Variants in DGKB observed in about 807,000 individuals in gnomAD.
The protein encoded by DGKB is 90 kDa diacylglycerol kinase.
Under a neutral mutation model 114.3 loss-of-function variants are expected in DGKB, and 67 were observed. The observed-to-expected ratio is 0.59, with a 90% CI of 0.48 to 0.72. The LOEUF (loss-of-function observed/expected upper bound fraction) is 0.72, where lower values mean the gene tolerates loss of function less well. Among genes scored for constraint, DGKB ranks in the 30% least tolerant of loss-of-function variants. The pLI is 0.00. For synonymous variants in DGKB, 398 were observed against 323.1 expected (o/e 1.23, Z -2.49); for missense variants, 907 against 975.2 (o/e 0.93, Z 0.93).
At chr7:14,928,157 C>A (rs747247119) in intron 1 of DGKB, among the ~76,000 whole-genome samples, 5 of 151,860 alleles carry the variant, frequency 3.3e-5, no homozygotes, top group South Asian at 2.1e-4. Flanking sequence ...AATATAGATT[C>A]TTTCAACAGA....
chr7:14,701,532 G>A (rs577142806), intron 7 of DGKB, 149 bp downstream of exon 7: 17 of 599,034 alleles, frequency 2.8e-5, no homozygotes, highest in African/African-American at 7.5e-5. Flanking sequence ...TCACTCTCTC[G>A]CAAAAAGTCA....
intron 1 of DGKB, among the ~76,000 whole-genome samples, chr7:14,860,912 AGAT>A (rs1850883665): frequency 6.6e-6 from 1 of 151,998 alleles, no homozygotes; most frequent in Admixed American, 6.6e-5. Flanking sequence ...TTAAGATAAT[AGAT>A]TTTTCTGAGA....
intron 1 of DGKB, among the ~76,000 whole-genome samples, chr7:14,927,528 C>CA (rs1013103438): frequency 5.3e-5 from 8 of 150,758 alleles, no homozygotes; most frequent in Middle Eastern, 3.4e-3. Context: ...TAAAACTATA[C>CA]AAAAAAAAGC....
intron 1 of DGKB, among the ~76,000 whole-genome samples, chr7:14,950,929 T>C (rs1387627863): frequency 7.2e-5 from 11 of 151,854 alleles, no homozygotes; most frequent in Non-Finnish European, 1.5e-5. Context: ...GTATGTAAGC[T>C]TGGTTTACAT....
intron 2 of DGKB, among the ~76,000 whole-genome samples, chr7:14,825,580 C>T (rs1222060920): frequency 1.3e-5 from 2 of 152,038 alleles, no homozygotes; most frequent in Admixed American, 6.6e-5. Flanking sequence ...AGGCGAGGCT[C>T]AGGTGGTAAT....
chr7:14,431,715 T>G (rs138823221), intron 21 of DGKB, among the ~76,000 whole-genome samples: 3 of 152,316 alleles, frequency 2.0e-5, no homozygotes, highest in African/African-American at 7.2e-5. Context: ...GTTTTGCACT[T>G]AATCCAATAA....
intron 20 of DGKB, among the ~76,000 whole-genome samples, chr7:14,538,936 T>C (rs1396275742): frequency 1.3e-5 from 2 of 152,002 alleles, no homozygotes; most frequent in Non-Finnish European, 2.9e-5. Flanking sequence ...GTCTCATGTA[T>C]AGAAATAGAT....
At chr7:14,474,622 A>G (rs897987658) in intron 21 of DGKB, among the ~76,000 whole-genome samples, 7 of 132,768 alleles carry the variant, frequency 5.3e-5, no homozygotes, top group African/African-American at 1.8e-4. Context: ...TTATTTTAGT[A>G]TGGTAATAAA....
chr7:14,589,351 G>T (rs1801301239), intron 17 of DGKB, among the ~76,000 whole-genome samples: 1 of 151,798 alleles, frequency 6.6e-6, no homozygotes, highest in Non-Finnish European at 1.5e-5. Context: ...GGTATTATTA[G>T]TAATCTCTAG....
intron 25 of DGKB, among the ~76,000 whole-genome samples, chr7:14,174,490 C>G (rs1781440748): frequency 6.6e-6 from 1 of 152,136 alleles, no homozygotes; most frequent in Non-Finnish European, 1.5e-5. Flanking sequence ...TGCCTCTTCT[C>G]CTGAGAAGAG....
At chr7:14,551,217 G>A (rs1029798172) in intron 20 of DGKB, among the ~76,000 whole-genome samples, 3 of 152,140 alleles carry the variant, frequency 2.0e-5, no homozygotes, top group Non-Finnish European at 2.9e-5. Context: ...CATTTGGGTG[G>A]TAATATATAT....
chr7:14,931,273 A>T (rs1472213659), intron 1 of DGKB, among the ~76,000 whole-genome samples: 18 of 151,992 alleles, frequency 1.2e-4, no homozygotes, highest in Non-Finnish European at 1.5e-5. Context: ...CTCCAAGCCC[A>T]GCTAATTTTT....
At chr7:14,643,464 C>T (rs2128878797) in intron 13 of DGKB, among the ~76,000 whole-genome samples, 1 of 152,232 alleles carries the variant, frequency 6.6e-6, no homozygotes, top group South Asian at 2.1e-4. Flanking sequence ...CTGACTTGGG[C>T]CAAATAGCCC....
chr7:14,309,690 A>G (rs994356852), intron 23 of DGKB, among the ~76,000 whole-genome samples: 9 of 152,182 alleles, frequency 5.9e-5, no homozygotes, highest in Non-Finnish European at 1.3e-4. Context: ...CAAAGGGTAG[A>G]TTTCTTATAG....
intron 25 of DGKB, among the ~76,000 whole-genome samples, chr7:14,157,156 A>G (rs1447831944): frequency 6.6e-6 from 1 of 152,146 alleles, no homozygotes; most frequent in African/African-American, 2.4e-5. Context: ...AATATCTGTG[A>G]GTAGAGCTTA....
At chr7:14,725,483 AT>A (rs1297959172) in intron 5 of DGKB, among the ~76,000 whole-genome samples, 1 of 152,194 alleles carries the variant, frequency 6.6e-6, no homozygotes, top group African/African-American at 2.4e-5. Context: ...AGAAATTCCA[AT>A]AATCTCCTTA....
intron 23 of DGKB, among the ~76,000 whole-genome samples, chr7:14,287,056 C>A (rs540899961): frequency 1.3e-3 from 193 of 152,180 alleles, no homozygotes; most frequent in African/African-American, 4.3e-3. Context: ...CATGTGATCT[C>A]TACCATTTCT....
chr7:14,468,906 T>C (rs1175596590), intron 21 of DGKB, among the ~76,000 whole-genome samples: 9 of 152,036 alleles, frequency 5.9e-5, no homozygotes, highest in Non-Finnish European at 1.3e-4. Flanking sequence ...TCATGTAAAG[T>C]AATAATACAA....
At position 14,452,655 on chromosome 7, in the gene DGKB, C is replaced by A. The variant is rs542883776; in HGVS notation, c.1835+25506G>T. On this transcript the variant is annotated intron_variant, in intron 21 of 25. Transcript: ENST00000402815. ...ACAAAAATGGGTCAAGTGAAACTGA[C>A]TGAATTTATATTATATAATAAAAAT... Among the ~76,000 whole-genome samples the A allele has an allele frequency of 3.3e-5, 5 of 151,892 alleles. No homozygotes were observed. In the South Asian group the frequency reaches 1.0e-3, roughly 32 times the overall value.
Sources: allele counts gnomAD v4.1 joint callset (sites outside exome capture counted in the v4.1 genomes callset), GRCh38; gene constraint gnomAD v4.1.1; transcripts MANE v1.5; gene names NCBI Gene and HGNC (gene_info 2026-07-23, HGNC 2026-07-21).